HACD1: variants seen among roughly 807,000 people sequenced by gnomAD.
The protein encoded by HACD1 is 3-hydroxyacyl-CoA dehydratase 1.
HACD1 carries 41 observed loss-of-function variants against 32.0 expected under a neutral mutation model. The observed-to-expected ratio is 1.28, with a 90% CI of 1.00 to 1.66. The LOEUF is 1.66. Among genes scored for constraint, HACD1 ranks in the 40% most tolerant of loss-of-function variants. The probability of loss-of-function intolerance (pLI) is 0.00; values close to 1 mark genes in which losing one functional copy is unlikely to be tolerated. For missense variants in HACD1, 396 were observed against 380.1 expected (o/e 1.04, Z -0.35); for synonymous variants, 142 against 139.0 (o/e 1.02, Z -0.15).
intron 5 of HACD1, among the ~76,000 whole-genome samples, chr10:17,598,278 AAG>A (rs1554816169): frequency 1.4e-5 from 2 of 146,374 alleles, no homozygotes; most frequent in Non-Finnish European, 3.0e-5. Context: ...AAAAAAAAAA[AAG>A]AGAAAAAAAC....
chr10:17,610,638 A>G (rs1834220105), intron 1 of HACD1, among the ~76,000 whole-genome samples: 1 of 152,148 alleles, frequency 6.6e-6, no homozygotes, highest in African/African-American at 2.4e-5. Flanking sequence ...GTCTCAAAAA[A>G]AAAAAAAAGT....
chr10:17,599,115 T>C, intron 5 of HACD1, 175 bp downstream of exon 5: 2 of 1,174,764 alleles, frequency 1.7e-6, no homozygotes, highest in Non-Finnish European at 2.2e-6. Context: ...TCTCTCATCA[T>C]TAAGCTTTTA....
intron 1 of HACD1, among the ~76,000 whole-genome samples, chr10:17,610,860 G>A (rs999116078): frequency 3.3e-5 from 5 of 152,108 alleles, no homozygotes; most frequent in Non-Finnish European, 5.9e-5. Context: ...AAAGGAATGA[G>A]ACACAACCTT....
chr10:17,596,878 T>C (rs574409080), intron 5 of HACD1, among the ~76,000 whole-genome samples: 8 of 152,324 alleles, frequency 5.3e-5, no homozygotes, highest in African/African-American at 1.7e-4. Flanking sequence ...ATTCAAACTG[T>C]AACAATAGGC....
chr10:17,591,795 G>T (rs1473188386), intron 6 of HACD1, among the ~76,000 whole-genome samples: 2 of 95,536 alleles, frequency 2.1e-5, no homozygotes, highest in African/African-American at 6.0e-5. Context: ...TTCTATTTAG[G>T]TTCTTCCTAA....
intron 1 of HACD1, among the ~76,000 whole-genome samples, chr10:17,610,443 G>C (rs1431734980): frequency 1.3e-5 from 2 of 152,142 alleles, no homozygotes; most frequent in Non-Finnish European, 2.9e-5. Context: ...GGGCCCAGGA[G>C]TTCAAGACCA....
In HACD1 at chr10:17,604,025, T is replaced by C. The variant is rs782105756; in HGVS notation, c.280A>G (p.Met94Val). ...CCTTTTTCCATATAAAAACGTACCA[T>C]GGCAATAGCTAGAACCAACCACCTA... ...TAGWLVLAIA[M>V]VRFYMEKGTH... Residue 94 changes from methionine (M) to valine (V), a missense_variant, in exon 2 of 7, where the codon ATG becomes GTG. Met to Val is a conservative substitution (Grantham distance 21). Transcript: ENST00000361271. 49 of 1,591,774 alleles carry C rather than the reference T, an allele frequency of 3.1e-5. No homozygotes were observed. Among genetic ancestry groups the C allele is most frequent in the Non-Finnish European group, 3.8e-5 (45 of 1,173,822 alleles).
At chr10:17,610,186 T>C (rs1461976527) in intron 1 of HACD1, among the ~76,000 whole-genome samples, 14 of 152,108 alleles carry the variant, frequency 9.2e-5, no homozygotes, top group African/African-American at 3.4e-4. Flanking sequence ...GATGAACAAT[T>C]TGTGGTAGGT....
chr10:17,599,436 TG>T, intron 4 of HACD1, 25 bp from the exon 5 acceptor site: 1 of 1,607,818 alleles, frequency 6.2e-7, no homozygotes. Context: ...AGAAACCCAG[TG>T]TCATTCAACC....
In HACD1 at chr10:17,599,431, C is replaced by T. The variant is rs782432832; in HGVS notation, c.484-20G>A. The T allele has an allele frequency of 1.9e-6, 3 of 1,608,664 alleles. No homozygotes were observed. The highest frequency in any genetic ancestry group is 8.5e-7 in the Non-Finnish European group (1 of 1,178,272). On this transcript the variant is annotated intron_variant, in intron 4 of 6. Transcript: ENST00000361271. ...CTGGATCTGCAGAATTACAGAGAAA[C>T]CCAGTGTCATTCAACCTAGAACTTA...
rs781873924 is a variant in HACD1 at position 17,594,208 on chromosome 10, GTA to G, written c.779_780del (p.Ile260ThrfsTer28). Reference protein sequence around the residue: ...YFLLITMASYIPLFPQLYFHM... With the variant: ...YFLLITMASYXPLFPQLYFHM... Reference sequence around the variant, plus strand: ...GTACTAATAAGTATATACTTACAAGGTATATATGATGCCATGGTTATAAGAAG... The same window carrying G: ...GTACTAATAAGTATATACTTACAAGGTATATGATGCCATGGTTATAAGAAG... On this transcript the variant is annotated frameshift_variant, in exon 6 of 7. Transcript: ENST00000361271. LOFTEE classifies it high-confidence loss of function. 2.0e-6 allele frequency: 3 copies of G among 1,535,976 alleles called. No individual in the cohort carries two copies. The highest frequency in any genetic ancestry group is 1.8e-6 in the Non-Finnish European group (2 of 1,138,370).
chr10:17,602,217 C>T (rs1834080414), intron 4 of HACD1, among the ~76,000 whole-genome samples: 1 of 151,984 alleles, frequency 6.6e-6, no homozygotes, highest in Admixed American at 6.6e-5. Context: ...TGGCAGGCGC[C>T]CGCCACCACA....
intron 1 of HACD1, among the ~76,000 whole-genome samples, chr10:17,615,013 A>G (rs1020975517): frequency 4.6e-5 from 7 of 152,190 alleles, no homozygotes; most frequent in African/African-American, 1.4e-4. Flanking sequence ...CGGCCTTCCA[A>G]AGTGCTGGGA....
At chr10:17,614,823 G>A (rs1833049563) in intron 1 of HACD1, among the ~76,000 whole-genome samples, 1 of 152,074 alleles carries the variant, frequency 6.6e-6, no homozygotes, top group African/African-American at 2.4e-5. Flanking sequence ...CGCGATCTCG[G>A]CTCACTGCAA....
At chr10:17,613,143 TG>T (rs1564512232) in intron 1 of HACD1, among the ~76,000 whole-genome samples, 1 of 97,116 alleles carries the variant, frequency 1.0e-5, no homozygotes, top group Non-Finnish European at 2.2e-5. Flanking sequence ...TGTGTGTGTG[TG>T]TGTTTTGTTT....
intron 4 of HACD1, among the ~76,000 whole-genome samples, chr10:17,602,747 G>A (rs1834089628): frequency 6.6e-6 from 1 of 152,016 alleles, no homozygotes; most frequent in Non-Finnish European, 1.5e-5. Flanking sequence ...TTGCATAATA[G>A]ATCTCTTGAA....
chr10:17,613,811 AG>A (rs1554817748), intron 1 of HACD1, among the ~76,000 whole-genome samples: 1 of 152,240 alleles, frequency 6.6e-6, no homozygotes, highest in African/African-American at 2.4e-5. Flanking sequence ...TTTGATTAGA[AG>A]TCATGGGAAT....
In HACD1 at chr10:17,603,573, T is replaced by A; in HGVS notation, c.470A>T (p.His157Leu). ...TGTGTCACTTACTGGTTTTATACTG[T>A]GAGTAATGAGCCACACCATAAAGAT... ...SRIFMVWLITHSIKPIQNEES... is the reference protein window; with the variant it reads ...SRIFMVWLITLSIKPIQNEES... The change falls in exon 4 of 7, where the codon CAC becomes CTC. Residue 157 changes from histidine (H) to leucine (L), a missense_variant. His to Leu is a moderately conservative substitution (Grantham distance 99, BLOSUM62 -3). Transcript: ENST00000361271. 1 of 1,610,836 alleles carries A rather than the reference T, an allele frequency of 6.2e-7. No individual in the cohort carries two copies. The highest frequency in any genetic ancestry group is 8.5e-7 in the Non-Finnish European group (1 of 1,177,160).
chr10:17,606,169 C>CA (rs1190401342), intron 1 of HACD1, among the ~76,000 whole-genome samples: 5 of 149,528 alleles, frequency 3.3e-5, no homozygotes, highest in Admixed American at 6.7e-5. Flanking sequence ...GACCCTGTCT[C>CA]AAAAAAAACA....
Sources: gnomAD v4.1 joint callset for allele counts (sites outside exome capture counted in the v4.1 genomes callset) on GRCh38, gnomAD v4.1.1 for gene constraint, MANE v1.5 for transcripts, NCBI Gene and HGNC (gene_info 2026-07-23, HGNC 2026-07-21) for gene names.